Variants in APP observed in about 807,000 individuals in gnomAD.
The protein encoded by APP is amyloid-beta precursor protein.
A neutral mutation model predicts 101.4 loss-of-function variants in APP; 31 were observed. The observed-to-expected ratio is 0.31, with a 90% CI of 0.23 to 0.41. APP has a LOEUF of 0.41. Ranked by LOEUF, APP falls within the 10% of genes least tolerant of loss-of-function variation. The pLI is 1.00. For missense variants in APP, 839 were observed against 1,003.7 expected (o/e 0.84, Z 2.22); for synonymous variants, 366 against 364.4 (o/e 1.00, Z -0.05).
intron 5 of APP, among the ~76,000 whole-genome samples, chr21:26,042,698 T>C (rs2045427783): frequency 6.6e-6 from 1 of 151,658 alleles, no homozygotes; most frequent in African/African-American, 2.4e-5. Context: ...GGCCAGGAGT[T>C]TGAAAACAGT....
chr21:26,020,158 GT>G, intron 6 of APP, among the ~76,000 whole-genome samples: 1 of 152,244 alleles, frequency 6.6e-6, no homozygotes, highest in Non-Finnish European at 1.5e-5. Context: ...AAAATACTGT[GT>G]TAAGTGAAAG....
At chr21:26,085,894 A>G (rs2061692615) in intron 3 of APP, among the ~76,000 whole-genome samples, 1 of 152,200 alleles carries the variant, frequency 6.6e-6, no homozygotes, top group Admixed American at 6.5e-5. Context: ...TACTACTTAC[A>G]CATTTGGAAG....
intron 3 of APP, among the ~76,000 whole-genome samples, chr21:26,071,630 A>G (rs560616204): frequency 2.0e-5 from 3 of 152,364 alleles, no homozygotes; most frequent in East Asian, 3.9e-4. Context: ...AATGTACATG[A>G]AAGGAAAATT....
At chr21:26,037,427 C>A (rs2045166553) in intron 5 of APP, among the ~76,000 whole-genome samples, 1 of 151,688 alleles carries the variant, frequency 6.6e-6, no homozygotes, top group African/African-American at 2.4e-5. Context: ...GCTGATCAGT[C>A]TGATCTGATC....
At chr21:26,018,555 G>A (rs913533107) in intron 6 of APP, among the ~76,000 whole-genome samples, 8 of 152,116 alleles carry the variant, frequency 5.3e-5, no homozygotes, top group African/African-American at 1.9e-4. Flanking sequence ...CTTCTTTACT[G>A]GAATTAGCTA....
chr21:25,900,742 C>T (rs2038403089), intron 15 of APP, among the ~76,000 whole-genome samples: 1 of 152,070 alleles, frequency 6.6e-6, no homozygotes, highest in African/African-American at 2.4e-5. Flanking sequence ...TGGCTCACAC[C>T]TGTAATCCCA....
chr21:25,915,193 T>C (rs1209585859), intron 13 of APP, among the ~76,000 whole-genome samples: 2 of 152,184 alleles, frequency 1.3e-5, no homozygotes, highest in Admixed American at 1.3e-4. Flanking sequence ...TAGCTTGGGG[T>C]ATTCCCACAA....
chr21:25,937,789 G>A (rs1295748221), intron 13 of APP: 1 of 152,180 alleles, frequency 6.6e-6, no homozygotes, highest in Non-Finnish European at 1.5e-5. Context: ...TTTGTTTTGA[G>A]ATAAGGTCGT....
intron 6 of APP, among the ~76,000 whole-genome samples, chr21:26,001,796 G>A (rs1431879728): frequency 2.6e-5 from 4 of 152,276 alleles, no homozygotes; most frequent in African/African-American, 9.6e-5. Context: ...ACTGCCACTG[G>A]TCCTTCAACA....
rs372250137 is a variant in APP at position 26,004,062 on chromosome 21, C to T, written c.866-3880G>A. Among the ~76,000 whole-genome samples, 11 of 152,122 alleles carry T rather than the reference C, an allele frequency of 7.2e-5. No individual in the cohort carries two copies. In the East Asian group the frequency reaches 1.9e-3, roughly 27 times the overall value. On this transcript the variant is annotated intron_variant, in intron 6 of 17. Transcript: ENST00000346798. ...TAGCCTACTCTGGGAGAAGCTGGGA[C>T]TGAGGGTAGGGTCAGCACCAGCGAT... is the stretch of plus-strand genomic sequence containing the variant.
intron 5 of APP, among the ~76,000 whole-genome samples, chr21:26,028,174 C>T (rs1251245168): frequency 8.1e-6 from 1 of 123,332 alleles, no homozygotes; most frequent in South Asian, 2.8e-4. Context: ...GAGACTCTGT[C>T]TCAAAAAAAA....
chr21:26,018,796 CA>C (rs1002124041), intron 6 of APP, among the ~76,000 whole-genome samples: 4 of 152,280 alleles, frequency 2.6e-5, no homozygotes, highest in Admixed American at 2.6e-4. Context: ...TTCTTGCCAA[CA>C]AAATTATTAA....
At chr21:25,975,770 T>C (rs974717709) in intron 10 of APP, among the ~76,000 whole-genome samples, 184 bp downstream of exon 10, 3 of 152,130 alleles carry the variant, frequency 2.0e-5, no homozygotes, top group African/African-American at 7.3e-5. Flanking sequence ...TTGAAATAAT[T>C]GGGAGCAAAT....
chr21:25,918,228 CAT>C (rs1430482323), intron 13 of APP, among the ~76,000 whole-genome samples: 1 of 152,222 alleles, frequency 6.6e-6, no homozygotes, highest in Non-Finnish European at 1.5e-5. Flanking sequence ...CACATGCACA[CAT>C]ATGTTTACTG....
At chr21:26,083,339 T>A (rs2061635051) in intron 3 of APP, among the ~76,000 whole-genome samples, 1 of 152,236 alleles carries the variant, frequency 6.6e-6, no homozygotes, top group Non-Finnish European at 1.5e-5. Flanking sequence ...TCTGGTGTGA[T>A]GCTACATTAA....
intron 3 of APP, among the ~76,000 whole-genome samples, chr21:26,065,250 T>C (rs1244707866): frequency 6.6e-6 from 1 of 152,104 alleles, no homozygotes; most frequent in Non-Finnish European, 1.5e-5. Flanking sequence ...CCCTGTCAGG[T>C]GCATCTACCA....
At chr21:26,133,992 T>C (rs181378679) in intron 1 of APP, among the ~76,000 whole-genome samples, 189 of 152,330 alleles carry the variant, frequency 1.2e-3, no homozygotes, top group Admixed American at 2.0e-3. Context: ...TTATAACCCA[T>C]TGACTTCGCT....
intron 6 of APP, chr21:26,009,579 C>T (rs1005415912): frequency 1.4e-5 from 2 of 143,376 alleles, no homozygotes; most frequent in African/African-American, 5.0e-5. Flanking sequence ...AATATACTTC[C>T]TTTTTCTTTT....
rs9977800 is a variant in APP at position 26,068,501 on chromosome 21, C to T, written c.356-15153G>A. 9.7e-3 allele frequency among the ~76,000 whole-genome samples: 1,474 copies of T among 152,094 alleles called. 26 individuals are homozygous for T. Among genetic ancestry groups the T allele is most frequent in the African/African-American group, 0.033 (1,389 of 41,498 alleles). On this transcript the variant is annotated intron_variant, in intron 3 of 17. Coordinates refer to ENST00000346798, the MANE Select transcript of APP (RefSeq NM_000484.4). Reference sequence around the variant, plus strand: ...CAGCCTTCCAAGTAGCCGGGACTACCGGCACATGCCAACATGCCTGGCTAA... The same window carrying T: ...CAGCCTTCCAAGTAGCCGGGACTACTGGCACATGCCAACATGCCTGGCTAA...
Sources: gnomAD v4.1 joint callset for allele counts (sites outside exome capture counted in the v4.1 genomes callset) on GRCh38, gnomAD v4.1.1 for gene constraint, MANE v1.5 for transcripts, NCBI Gene and HGNC (gene_info 2026-07-23, HGNC 2026-07-21) for gene names.